Variants in CCAR1 observed in about 807,000 individuals in gnomAD.
CCAR1 encodes the protein cell division cycle and apoptosis regulator 1, also known as cell division cycle and apoptosis regulator protein 1.
A neutral mutation model predicts 163.8 loss-of-function variants in CCAR1; 78 were observed. The ratio of observed to expected loss-of-function variants is 0.48; its 90% CI spans 0.40 to 0.57. CCAR1 has a LOEUF of 0.57. Among genes scored for constraint, CCAR1 ranks in the 20% least tolerant of loss-of-function variants. CCAR1 has a pLI of 0.00. For synonymous variants in CCAR1, 443 were observed against 460.7 expected (o/e 0.96, Z 0.49); for missense variants, 1,019 against 1,365.2 (o/e 0.75, Z 4.00).
chr10:68,749,517 C>T lies in CCAR1; in HGVS notation c.957-7C>T. On this transcript the variant is annotated splice_region_variant and splice_polypyrimidine_tract_variant and intron_variant, in intron 9 of 24. Coordinates refer to ENST00000265872, the MANE Select transcript of CCAR1 (RefSeq NM_018237.4). ...ATATTAGTAATTTTAGAAAAATTTG[C>T]TTTCAGTCGTGAGAGAGAGAGAGAA... The T allele has an allele frequency of 1.9e-6, 3 of 1,603,728 alleles. No homozygotes were observed. The highest frequency in any genetic ancestry group is 2.6e-6 in the Non-Finnish European group (3 of 1,176,080).
At chr10:68,741,919 C>T (rs903465134) in intron 5 of CCAR1, among the ~76,000 whole-genome samples, 1 of 152,104 alleles carries the variant, frequency 6.6e-6, no homozygotes, top group African/African-American at 2.4e-5. Context: ...TTGGTTAACA[C>T]GTAACTCATA....
chr10:68,749,783 C>T (rs890169224), intron 10 of CCAR1, 98 bp downstream of exon 10: 14 of 1,043,156 alleles, frequency 1.3e-5, no homozygotes, highest in African/African-American at 3.2e-5. Flanking sequence ...ATTGATTTCC[C>T]GACAGTTAGT....
intron 17 of CCAR1, among the ~76,000 whole-genome samples, chr10:68,768,549 T>G (rs1455292560): frequency 6.6e-6 from 1 of 152,202 alleles, no homozygotes; most frequent in East Asian, 1.9e-4. Flanking sequence ...GGGCAGAGGT[T>G]GTCGTGAGCC....
intron 2 of CCAR1, among the ~76,000 whole-genome samples, chr10:68,728,683 G>A (rs1230263570): frequency 3.3e-5 from 5 of 152,072 alleles, no homozygotes; most frequent in East Asian, 1.9e-4. Flanking sequence ...GGCTGGGCGC[G>A]AGTGGCTCTC....
chr10:68,791,236 A>G lies in CCAR1; in HGVS notation c.3423A>G (p.Gln1141=). Reference sequence around the variant, plus strand: ...ATGTAAAGAATGAAGACAAAGATCAAAAATCCAAGGAGAATGGTGCCAGTG... The same window carrying G: ...ATGTAAAGAATGAAGACAAAGATCAGAAATCCAAGGAGAATGGTGCCAGTG... The part of the protein sequence containing the change: ...KDNVKNEDKD[Q]KSKENGASV The change falls in exon 25 of 25, where the codon CAA becomes CAG. Residue 1141 remains glutamine, a synonymous_variant. Transcript: ENST00000265872. 1 of 1,600,538 alleles carries G rather than the reference A, an allele frequency of 6.2e-7. No homozygotes were observed. Among genetic ancestry groups the G allele is most frequent in the Non-Finnish European group, 8.5e-7 (1 of 1,169,662 alleles).
intron 2 of CCAR1, among the ~76,000 whole-genome samples, chr10:68,735,976 C>T (rs576554501): frequency 6.6e-6 from 1 of 152,082 alleles, no homozygotes; most frequent in Non-Finnish European, 1.5e-5. Flanking sequence ...CCTCAGCCTC[C>T]TGAGTTGCTG....
chr10:68,756,324 G>A lies in CCAR1; in HGVS notation c.1677G>A (p.Gly559=), dbSNP rs2056396862. 6.2e-7 allele frequency: 1 copy of A among 1,613,948 alleles called. No homozygotes were observed. Among genetic ancestry groups the A allele is most frequent in the African/African-American group, 1.3e-5 (1 of 74,886 alleles). Residue 559 remains glycine (G), a synonymous_variant, in exon 14 of 25, where the codon GGG becomes GGA. Transcript: ENST00000265872. This position sits in a 1 kb window ranked among gnomAD's most constrained non-coding sequence, Gnocchi z 5.1. ...RYHRPEETHK[G]RTVPAHVETV... Reference sequence around the variant, plus strand: ...ATCGCCCTGAGGAGACCCACAAGGGGCGTACAGTTCCAGCTCATGTGGAGA... The same window carrying A: ...ATCGCCCTGAGGAGACCCACAAGGGACGTACAGTTCCAGCTCATGTGGAGA...
intron 17 of CCAR1, 32 bp downstream of exon 17, chr10:68,766,111 T>A (rs1414064742): frequency 1.5e-6 from 2 of 1,364,858 alleles, no homozygotes; most frequent in East Asian, 2.3e-5. Context: ...AAGATCCATA[T>A]AAGGTCCACA....
At chr10:68,752,680 A>G (rs1195616019) in intron 10 of CCAR1, among the ~76,000 whole-genome samples, 3 of 152,176 alleles carry the variant, frequency 2.0e-5, no homozygotes, top group Non-Finnish European at 4.4e-5. Flanking sequence ...AGACCAGCCT[A>G]GGCATATAGT....
chr10:68,777,273 C>T (rs183420460), intron 19 of CCAR1, among the ~76,000 whole-genome samples: 21 of 152,190 alleles, frequency 1.4e-4, no homozygotes, highest in African/African-American at 4.8e-4. Flanking sequence ...CTCCCCTCTA[C>T]AATAAAGTTT....
intron 19 of CCAR1, 134 bp from the exon 20 acceptor site, chr10:68,786,002 G>A: frequency 3.2e-6 from 2 of 617,262 alleles, no homozygotes; most frequent in Admixed American, 2.7e-5. Context: ...GAGTGCAGTG[G>A]TATAGTCATA....
intron 6 of CCAR1, among the ~76,000 whole-genome samples, chr10:68,746,513 AC>A (rs2056258214): frequency 6.6e-6 from 1 of 151,430 alleles, no homozygotes; most frequent in Non-Finnish European, 1.5e-5. Context: ...CACCTTAGTC[AC>A]CCAAAGTGCT....
At chr10:68,769,234 G>A (rs530144477) in intron 17 of CCAR1, among the ~76,000 whole-genome samples, 1 of 152,298 alleles carries the variant, frequency 6.6e-6, no homozygotes, top group Admixed American at 6.5e-5. Flanking sequence ...TCAGCCTCCT[G>A]AAGTGCTGGG....
intron 4 of CCAR1, among the ~76,000 whole-genome samples, chr10:68,739,631 G>A (rs1283622951): frequency 6.6e-6 from 1 of 152,130 alleles, no homozygotes; most frequent in Non-Finnish European, 1.5e-5. Flanking sequence ...CAAGAGACTG[G>A]TCTCAAATCA....
chr10:68,727,484 C>G (rs1332198419), intron 2 of CCAR1, among the ~76,000 whole-genome samples: 3 of 152,080 alleles, frequency 2.0e-5, no homozygotes, highest in African/African-American at 7.2e-5. Flanking sequence ...ATTTTATCTT[C>G]TATTTCTTCA....
intron 3 of CCAR1, among the ~76,000 whole-genome samples, 154 bp from the exon 4 acceptor site, chr10:68,737,691 A>T (rs765725107): frequency 1.3e-5 from 2 of 151,144 alleles, no homozygotes; most frequent in African/African-American, 2.4e-5. Context: ...TATTATTTTT[A>T]TTTTTTTTGT....
intron 13 of CCAR1, 66 bp downstream of exon 13, chr10:68,755,602 A>G (rs918616369): frequency 1.4e-6 from 2 of 1,382,464 alleles, no homozygotes; most frequent in Non-Finnish European, 9.9e-7. Context: ...GTTCTTATCG[A>G]TCAGCCTTTT....
rs755191341 is a variant in CCAR1 at position 68,756,591 on chromosome 10, C to G, written c.1836+108C>G. The G allele has an allele frequency of 5.8e-6, 5 of 862,834 alleles. No homozygotes were observed. Among genetic ancestry groups the G allele is most frequent in the Non-Finnish European group, 9.5e-6 (5 of 524,440 alleles). The allele number at this position is 862,834 out of a possible 1,614,324, so 53.4% of individuals were successfully genotyped here. On this transcript the variant is annotated intron_variant, in intron 14 of 24. Transcript: ENST00000265872. This position sits in a 1 kb window ranked among gnomAD's most constrained non-coding sequence, Gnocchi z 5.1. ...AATAAACACACATGGAGGAACATAA[C>G]TGGTAACAGCGACTGGTAATCCAGC...
intron 17 of CCAR1, among the ~76,000 whole-genome samples, chr10:68,766,578 G>A (rs2056538464): frequency 6.6e-6 from 1 of 151,506 alleles, no homozygotes; most frequent in Admixed American, 6.6e-5. Context: ...CCAGGCTGGA[G>A]TGCAGTGATA....
Sources: gnomAD v4.1 joint callset for allele counts (sites outside exome capture counted in the v4.1 genomes callset) on GRCh38, gnomAD v4.1.1 for gene constraint, Gnocchi (gnomAD v3.1) non-coding constraint, MANE v1.5 for transcripts, NCBI Gene and HGNC (gene_info 2026-07-23, HGNC 2026-07-21) for gene names.